The following VTA1 variants were observed in gnomAD, a reference collection of about 807,000 sequenced individuals.
VTA1 encodes the protein vacuolar protein sorting-associated protein VTA1 homolog.
A neutral mutation model predicts 36.9 loss-of-function variants in VTA1; 24 were observed. The ratio of observed to expected loss-of-function variants is 0.65; its 90% confidence interval spans 0.47 to 0.91. VTA1 has a LOEUF of 0.91. Among genes scored for constraint, VTA1 ranks in the 40% least tolerant of loss-of-function variants. The pLI is 0.00. For missense variants in VTA1, 393 were observed against 377.2 expected, an observed-to-expected ratio of 1.04 and a Z score of -0.35; for synonymous variants, 142 against 130.2, an observed-to-expected ratio of 1.09 and a Z score of -0.62.
intron 1 of VTA1, 90 bp downstream of exon 1, chr6:142,147,489 C>A (rs1245636768): frequency 7.6e-7 from 1 of 1,314,664 alleles, no homozygotes. Context: ...CATGCCCCGC[C>A]CCCCTCGCTT....
intron 1 of VTA1, 56 bp from the exon 2 acceptor site, chr6:142,166,172 A>G (rs928710984): frequency 8.0e-7 from 1 of 1,252,198 alleles, no homozygotes; most frequent in South Asian, 1.4e-5. Flanking sequence ...TTAAACACTC[A>G]TAAACATGGA....
At chr6:142,182,056 G>C (rs1240694460) in intron 4 of VTA1, among the ~76,000 whole-genome samples, 1 of 152,052 alleles carries the variant, frequency 6.6e-6, no homozygotes, top group Non-Finnish European at 1.5e-5. Context: ...GGAGGTTGAG[G>C]GACTAAGAGT....
At chr6:142,166,376 T>C (rs753755409) in intron 2 of VTA1, 54 bp downstream of exon 2, 29 of 1,303,942 alleles carry the variant, frequency 2.2e-5, no homozygotes, top group African/African-American at 2.9e-5. Flanking sequence ...TACCATTTTA[T>C]TCATTTGCGT....
chr6:142,182,304 C>A (rs1018742351), intron 4 of VTA1, among the ~76,000 whole-genome samples: 1 of 152,014 alleles, frequency 6.6e-6, no homozygotes, highest in African/African-American at 2.4e-5. Flanking sequence ...GTGGCAGAAT[C>A]CAGAATGAGA....
intron 4 of VTA1, among the ~76,000 whole-genome samples, chr6:142,176,039 G>C (rs1275852779): frequency 6.6e-6 from 1 of 151,812 alleles, no homozygotes; most frequent in African/African-American, 2.4e-5. Flanking sequence ...AGTTCTCTTG[G>C]AATCAGTGCC....
chr6:142,157,120 C>T (rs1244504124), intron 1 of VTA1, among the ~76,000 whole-genome samples: 1 of 152,174 alleles, frequency 6.6e-6, no homozygotes, highest in African/African-American at 2.4e-5. Context: ...GCCGAGATTG[C>T]GCCACTGCAC....
chr6:142,181,094 A>AAAAAATAT (rs1471429927), intron 4 of VTA1, among the ~76,000 whole-genome samples: 11 of 36,438 alleles, frequency 3.0e-4, no homozygotes, highest in African/African-American at 8.4e-4. Context: ...AAAAAAAAAA[A>AAAAAATAT]ATATATATAT....
intron 5 of VTA1, among the ~76,000 whole-genome samples, chr6:142,192,313 A>G (rs1004015677): frequency 9.9e-5 from 15 of 152,054 alleles, no homozygotes; most frequent in African/African-American, 3.1e-4. Flanking sequence ...AGCATGTTTC[A>G]TGTAGGCTAG....
At chr6:142,208,828 G>A (rs1775846144) in intron 7 of VTA1, among the ~76,000 whole-genome samples, 1 of 152,118 alleles carries the variant, frequency 6.6e-6, no homozygotes, top group South Asian at 2.1e-4. Flanking sequence ...CAAATATGAA[G>A]GAAAGATATA....
At chr6:142,175,153 G>A (rs778620779) in intron 4 of VTA1, among the ~76,000 whole-genome samples, 1 of 152,052 alleles carries the variant, frequency 6.6e-6, no homozygotes, top group Non-Finnish European at 1.5e-5. Flanking sequence ...AAAGGCCACT[G>A]GTTCACAAGA....
chr6:142,188,534 G>T (rs149261345), intron 4 of VTA1, among the ~76,000 whole-genome samples: 120 of 152,168 alleles, frequency 7.9e-4, no homozygotes, highest in African/African-American at 2.8e-3. Flanking sequence ...AACCACGTTC[G>T]CTCTGGAACG....
intron 5 of VTA1, among the ~76,000 whole-genome samples, chr6:142,194,675 G>A (rs1052330548): frequency 3.9e-5 from 6 of 152,052 alleles, no homozygotes; most frequent in Non-Finnish European, 7.4e-5. Context: ...TTTGTATGTA[G>A]ATAATTATGT....
chr6:142,196,507 T>C (rs903991493), intron 5 of VTA1, among the ~76,000 whole-genome samples: 2 of 152,222 alleles, frequency 1.3e-5, no homozygotes, highest in African/African-American at 2.4e-5. Context: ...ACATTTAATG[T>C]AATTGCTATA....
intron 4 of VTA1, among the ~76,000 whole-genome samples, chr6:142,181,680 C>G (rs961975600): frequency 2.0e-5 from 3 of 151,102 alleles, no homozygotes; most frequent in Non-Finnish European, 4.4e-5. Context: ...AAACAGTTAC[C>G]GACCTTACCT....
intron 7 of VTA1, among the ~76,000 whole-genome samples, chr6:142,213,161 T>C (rs1293353224): frequency 2.0e-5 from 3 of 152,172 alleles, no homozygotes; most frequent in African/African-American, 7.2e-5. Context: ...AGGCACTGGA[T>C]AAATGCTCCC....
At chr6:142,167,536 T>C (rs1186698713) in intron 2 of VTA1, among the ~76,000 whole-genome samples, 1 of 152,250 alleles carries the variant, frequency 6.6e-6, no homozygotes, top group Non-Finnish European at 1.5e-5. Context: ...CAGAGCTTTT[T>C]ATTGTTTTCA....
intron 6 of VTA1, among the ~76,000 whole-genome samples, chr6:142,202,239 T>C (rs956686868): frequency 6.6e-6 from 1 of 151,970 alleles, no homozygotes; most frequent in African/African-American, 2.4e-5. Context: ...AATTTAAATA[T>C]ATTTGGTGAG....
chr6:142,149,494 A>G (rs1022574915), intron 1 of VTA1, among the ~76,000 whole-genome samples: 9 of 152,160 alleles, frequency 5.9e-5, no homozygotes, highest in Admixed American at 6.5e-5. Flanking sequence ...AGTCTTAATG[A>G]GGTTTAGCAT....
intron 5 of VTA1, among the ~76,000 whole-genome samples, chr6:142,197,659 G>A (rs973153379): frequency 1.1e-4 from 17 of 152,126 alleles, no homozygotes; most frequent in African/African-American, 3.4e-4. Flanking sequence ...TAGCTAGTAC[G>A]CGGTAAATCT....
Sources: gnomAD v4.1 joint callset for allele counts (sites outside exome capture counted in the v4.1 genomes callset) on GRCh38, gnomAD v4.1.1 for gene constraint, MANE v1.5 for transcripts, NCBI Gene and HGNC (gene_info 2026-07-23, HGNC 2026-07-21) for gene names.